The following CACNA1B variants were observed in gnomAD, a reference collection of about 807,000 sequenced individuals.
CACNA1B encodes calcium voltage-gated channel subunit alpha1 B.
In CACNA1B, 70 loss-of-function variants were observed where a neutral mutation model predicts 247.2. The observed-to-expected ratio is 0.28, with a 90% CI of 0.23 to 0.35. The LOEUF is 0.35. CACNA1B is among the 10% of genes least tolerant of loss of function. CACNA1B has a pLI of 1.00. For missense variants in CACNA1B, 2,367 were observed against 3,197.4 expected, an observed-to-expected ratio of 0.74 and a Z score of 6.26; for synonymous variants, 1,231 against 1,294.4, an observed-to-expected ratio of 0.95 and a Z score of 1.05.
intron 22 of CACNA1B, 59 bp downstream of exon 22, chr9:138,047,092 C>T (rs1959191992): frequency 6.6e-7 from 1 of 1,514,872 alleles, no homozygotes; most frequent in East Asian, 2.4e-5. Context: ...TGGGTGCCTT[C>T]CCAGGGGCCC....
chr9:138,064,816 C>T (rs1216826990), intron 31 of CACNA1B, among the ~76,000 whole-genome samples: 2 of 152,244 alleles, frequency 1.3e-5, no homozygotes, highest in African/African-American at 4.8e-5. Flanking sequence ...CAAAGGAATC[C>T]CTGCTCCATG....
At chr9:137,921,303 A>G (rs1957474547) in intron 6 of CACNA1B, among the ~76,000 whole-genome samples, 1 of 151,782 alleles carries the variant, frequency 6.6e-6, no homozygotes, top group African/African-American at 2.4e-5. Context: ...GAACATGGTC[A>G]GCACCACGGC....
intron 20 of CACNA1B, among the ~76,000 whole-genome samples, chr9:138,037,665 A>C (rs1018035799): frequency 6.6e-6 from 1 of 151,538 alleles, no homozygotes; most frequent in African/African-American, 2.4e-5. Flanking sequence ...TCTCAAAAAA[A>C]ACAAACAAAA....
intron 6 of CACNA1B, among the ~76,000 whole-genome samples, chr9:137,948,924 CTG>C (rs769371664): frequency 6.3e-4 from 68 of 107,204 alleles, no homozygotes; most frequent in Non-Finnish European, 9.5e-4. Flanking sequence ...TGTGGTGTCT[CTG>C]TGGTGTGTTT....
rs1959590267 is a variant in CACNA1B at position 138,058,338 on chromosome 9, G to C, written c.4308+88G>C. Reference sequence around the variant, plus strand: ...CCTGCACACAAATCACTCACAGCTGGGTCAGCTTTGGCTGCCACCGTCTGC... The same window carrying C: ...CCTGCACACAAATCACTCACAGCTGCGTCAGCTTTGGCTGCCACCGTCTGC... On this transcript the variant is annotated intron_variant, in intron 28 of 46. Transcript: ENST00000371372. This position sits in a 1 kb window ranked among gnomAD's most constrained non-coding sequence, Gnocchi z 4.7. 1 of 1,205,300 alleles carries C rather than the reference G, an allele frequency of 8.3e-7. No individual in the cohort carries two copies. Among genetic ancestry groups the C allele is most frequent in the Non-Finnish European group, 1.2e-6 (1 of 824,086 alleles). 74.7% of individuals were successfully genotyped at this position (1,205,300 alleles called of 1,614,324 possible).
chr9:138,063,349 C>T (rs1447281961), intron 31 of CACNA1B, among the ~76,000 whole-genome samples: 1 of 152,152 alleles, frequency 6.6e-6, no homozygotes, highest in South Asian at 2.1e-4. Flanking sequence ...AAAAATTTAG[C>T]CAGGCATAGT....
intron 38 of CACNA1B, among the ~76,000 whole-genome samples, chr9:138,104,212 T>C (rs1220921850): frequency 1.3e-5 from 2 of 152,304 alleles, no homozygotes; most frequent in African/African-American, 4.8e-5. Context: ...GAGACACCTG[T>C]TTGTTTGCCC....
chr9:138,012,410 G>A lies in CACNA1B; in HGVS notation c.2161-719G>A, dbSNP rs1958735510. Among the ~76,000 whole-genome samples, 1 of 152,130 alleles carries A rather than the reference G, an allele frequency of 6.6e-6. No homozygotes were observed. The highest frequency in any genetic ancestry group is 1.5e-5 in the Non-Finnish European group (1 of 68,012). On this transcript the variant is annotated intron_variant, in intron 17 of 46. Transcript: ENST00000371372. The surrounding 1 kb of genome is among the most constrained non-coding windows in gnomAD (Gnocchi z 4.2). The stretch of plus-strand genomic sequence containing the variant: ...GACAGGTGGGACAAAAGGAGGGACA[G>A]ATTTGCATTTCAGTGGGCAAGTTTG...
At chr9:137,983,125 C>T (rs775227621) in intron 12 of CACNA1B, among the ~76,000 whole-genome samples, 1 of 152,146 alleles carries the variant, frequency 6.6e-6, no homozygotes, top group African/African-American at 2.4e-5. Context: ...GCAGTTGATG[C>T]GAAATTGGTG....
rs908800254 is a variant in CACNA1B at position 137,952,192 on chromosome 9, C to A, written c.967-82C>A. 4.7e-6 allele frequency: 5 copies of A among 1,054,104 alleles called. No individual in the cohort carries two copies. The highest frequency in any genetic ancestry group is 3.1e-5 in the African/African-American group (2 of 64,080). The allele number at this position is 1,054,104 out of a possible 1,614,324, so 65.3% of individuals were successfully genotyped here. A position where few individuals can be genotyped will look rare whatever the true frequency, so the allele number is the denominator to read the frequency against. Reference sequence around the variant, plus strand: ...CAGGTGTGTGCTTCTGAGAAGGAGGCCTGTTGGGGGCTGGGGGTGCTCCTG... The same window carrying A: ...CAGGTGTGTGCTTCTGAGAAGGAGGACTGTTGGGGGCTGGGGGTGCTCCTG... On this transcript the variant is annotated intron_variant, in intron 6 of 46. Coordinates refer to ENST00000371372, the MANE Select transcript of CACNA1B (RefSeq NM_000718.4). The surrounding 1 kb of genome is among the most constrained non-coding windows in gnomAD (Gnocchi z 4.8).
rs1185225384 is a variant in CACNA1B, at chr9:137,914,870, G to A, written c.775+64G>A. On this transcript the variant is annotated intron_variant, in intron 5 of 46. Transcript: ENST00000371372. This position sits in a 1 kb window ranked among gnomAD's most constrained non-coding sequence, Gnocchi z 4.3. ...ACGGATGCGTTCATCCAGGAGATGG[G>A]CACTGTTCTAGGTGCTAGAGGGGCC... 12 of 1,583,838 alleles carry A rather than the reference G, an allele frequency of 7.6e-6. No individual in the cohort carries two copies. In the South Asian group the frequency reaches 1.3e-4, roughly 17 times the overall value.
chr9:138,087,856 G>A (rs890907888), intron 36 of CACNA1B, among the ~76,000 whole-genome samples: 1 of 151,918 alleles, frequency 6.6e-6, no homozygotes, highest in Non-Finnish European at 1.5e-5. Context: ...AAACTTATGG[G>A]ATACAGTAAA....
At chr9:138,106,180 C>T (rs898107857) in intron 39 of CACNA1B, among the ~76,000 whole-genome samples, 2 of 152,182 alleles carry the variant, frequency 1.3e-5, no homozygotes, top group Non-Finnish European at 2.9e-5. Context: ...CATAGTGAGC[C>T]CATCCGGTCT....
chr9:138,036,277 C>T (rs1301901657), intron 20 of CACNA1B, among the ~76,000 whole-genome samples: 2 of 152,114 alleles, frequency 1.3e-5, no homozygotes, highest in Non-Finnish European at 2.9e-5. Flanking sequence ...GTAGCTGGGA[C>T]TACAGGCGCC....
chr9:138,043,974 C>G, intron 21 of CACNA1B, 74 bp downstream of exon 21: 1 of 1,534,196 alleles, frequency 6.5e-7, no homozygotes, highest in South Asian at 1.2e-5. Context: ...ATCTCAGTAG[C>G]CAGCGTGCAC....
intron 15 of CACNA1B, 74 bp from the exon 16 acceptor site, chr9:138,006,693 C>T (rs560665141): frequency 7.5e-6 from 6 of 801,188 alleles, no homozygotes; most frequent in South Asian, 1.4e-5. Flanking sequence ...CACATGCACT[C>T]ATGTGGGTGG....
At chr9:137,982,916 G>A (rs906498121) in intron 12 of CACNA1B, among the ~76,000 whole-genome samples, 4 of 152,210 alleles carry the variant, frequency 2.6e-5, no homozygotes, top group South Asian at 2.1e-4. Flanking sequence ...TGTGGACAAC[G>A]TAGAGAAATG....
intron 39 of CACNA1B, among the ~76,000 whole-genome samples, 156 bp downstream of exon 39, chr9:138,105,963 C>T (rs530776821): frequency 2.6e-4 from 39 of 152,300 alleles, no homozygotes; most frequent in African/African-American, 8.2e-4. Context: ...CACCCTGGGG[C>T]ACTGGCTTTT....
chr9:137,884,195 C>T (rs1236036560), intron 3 of CACNA1B, among the ~76,000 whole-genome samples: 3 of 152,188 alleles, frequency 2.0e-5, no homozygotes, highest in Non-Finnish European at 4.4e-5. Flanking sequence ...GGCTCAGCCC[C>T]CAGAGCTGTC....
Sources: allele counts gnomAD v4.1 joint callset (sites outside exome capture counted in the v4.1 genomes callset), GRCh38; gene constraint gnomAD v4.1.1; non-coding constraint Gnocchi (gnomAD v3.1); transcripts MANE v1.5; gene names NCBI Gene and HGNC (gene_info 2026-07-23, HGNC 2026-07-21).